Variants in PRKAA1 observed in about 807,000 individuals in gnomAD.
PRKAA1 encodes the protein protein kinase AMP-activated catalytic subunit alpha 1.
A neutral mutation model predicts 56.9 loss-of-function variants in PRKAA1; 23 were observed. The ratio of observed to expected loss-of-function variants is 0.40; its 90% CI spans 0.29 to 0.57. The LOEUF (loss-of-function observed/expected upper bound fraction) is 0.57. PRKAA1 is among the 20% of genes least tolerant of loss of function. The probability of loss-of-function intolerance (pLI) is 0.39; values close to 1 mark genes in which losing one functional copy is unlikely to be tolerated. For missense variants in PRKAA1, 413 were observed against 679.7 expected, an observed-to-expected ratio of 0.61 and a Z score of 4.36; for synonymous variants, 226 against 227.0, an observed-to-expected ratio of 1.00 and a Z score of 0.04.
intron 1 of PRKAA1, among the ~76,000 whole-genome samples, chr5:40,796,024 A>G (rs1287063381): frequency 1.3e-5 from 2 of 152,228 alleles, no homozygotes; most frequent in Non-Finnish European, 2.9e-5. Flanking sequence ...AGCAAATACG[A>G]AAACAGACCT....
chr5:40,764,748 T>C lies in PRKAA1; in HGVS notation c.1308+4A>G, dbSNP rs757514365. 6.8e-6 allele frequency: 11 copies of C among 1,606,890 alleles called. No individual in the cohort carries two copies. Among genetic ancestry groups the C allele is most frequent in the African/African-American group, 1.3e-5 (1 of 74,744 alleles). On this transcript the variant is annotated splice_donor_region_variant and intron_variant, in intron 7 of 8. Coordinates refer to ENST00000397128, the MANE Select transcript of PRKAA1 (RefSeq NM_006251.6). Reference sequence around the variant, plus strand: ...TAATAATCAAAATGTTATTTCTTTCTTACCTTCCATTCATAATCCAATTGT... The same window carrying C: ...TAATAATCAAAATGTTATTTCTTTCCTACCTTCCATTCATAATCCAATTGT...
rs958041636 is a variant in PRKAA1 at position 40,765,120 on chromosome 5, A to C, written c.940T>G (p.Ser314Ala). The C allele has an allele frequency of 6.2e-7, 1 of 1,614,062 alleles. No individual in the cohort carries two copies. Among genetic ancestry groups the C allele is most frequent in the Non-Finnish European group, 8.5e-7 (1 of 1,180,036 alleles). ...LKEVCEKFEC[S>A]EEEVLSCLYN... ...AGACAGCTGAGAACTTCCTCTTCTG[A>C]GCACTCAAACTTTTCACATACTTCT... The change falls in exon 7 of 9, where the codon TCA becomes GCA. Residue 314 changes from serine (S) to alanine (A), a missense_variant. Transcript: ENST00000397128.
Position 40,775,327 on chromosome 5 carries a change from A to G in PRKAA1, c.363+83T>C, listed in dbSNP as rs115697695. The G allele has an allele frequency of 4.3e-4, 457 of 1,060,956 alleles. 2 individuals are homozygous for G. In the African/African-American group the frequency reaches 6.5e-3, roughly 15 times the overall value. 65.7% of individuals were successfully genotyped at this position (1,060,956 alleles called of 1,614,324 possible). A position where few individuals can be genotyped will look rare whatever the true frequency, so the allele number is the denominator to read the frequency against. On this transcript the variant is annotated intron_variant, in intron 3 of 8. Transcript: ENST00000397128. ...AACTGGTTATTAAATAGACCTCTTAAAATTGGTTGCTGACATTTTGATGCT... is the reference window on the plus strand; with the variant it reads ...AACTGGTTATTAAATAGACCTCTTAGAATTGGTTGCTGACATTTTGATGCT...
intron 1 of PRKAA1, among the ~76,000 whole-genome samples, chr5:40,783,269 T>C (rs1744336104): frequency 6.6e-6 from 1 of 152,174 alleles, no homozygotes; most frequent in South Asian, 2.1e-4. Flanking sequence ...ACATTGTTAT[T>C]CCAACCTAAC....
At chr5:40,763,111 G>T in intron 8 of PRKAA1, 89 bp from the exon 9 acceptor site, 2 of 1,355,376 alleles carry the variant, frequency 1.5e-6, no homozygotes, top group Non-Finnish European at 2.1e-6. Flanking sequence ...TTTAAGTGGG[G>T]CTGCTGGCCA....
intron 4 of PRKAA1, among the ~76,000 whole-genome samples, chr5:40,771,422 G>A (rs1217020734): frequency 6.6e-6 from 1 of 152,190 alleles, no homozygotes; most frequent in African/African-American, 2.4e-5. Context: ...AGGGTCACCT[G>A]GCCCAGTAGT....
intron 6 of PRKAA1, among the ~76,000 whole-genome samples, chr5:40,766,400 GA>G (rs1406672984): frequency 5.9e-5 from 9 of 151,514 alleles, no homozygotes; most frequent in African/African-American, 1.2e-4. Flanking sequence ...CCACAGGGGG[GA>G]AAAAAAAGAA....
chr5:40,797,985 G>A, intron 1 of PRKAA1, 78 bp downstream of exon 1: 1 of 1,568,024 alleles, frequency 6.4e-7, no homozygotes, highest in Non-Finnish European at 8.7e-7. Context: ...AGCGGGCGGG[G>A]GAGGATGAAG....
intron 1 of PRKAA1, among the ~76,000 whole-genome samples, chr5:40,792,739 T>C (rs1299381747): frequency 6.6e-6 from 1 of 152,174 alleles, no homozygotes; most frequent in Non-Finnish European, 1.5e-5. Flanking sequence ...AGTACCTATG[T>C]AGCTGAAATT....
chr5:40,777,916 TACAAAA>T (rs1744091948), intron 1 of PRKAA1, among the ~76,000 whole-genome samples: 2 of 152,016 alleles, frequency 1.3e-5, no homozygotes, highest in African/African-American at 2.4e-5. Context: ...CTACTAAAAA[TACAAAA>T]AATTGGCGAG....
chr5:40,774,461 C>G (rs901134116), intron 3 of PRKAA1, among the ~76,000 whole-genome samples: 1 of 151,358 alleles, frequency 6.6e-6, no homozygotes, highest in Non-Finnish European at 1.5e-5. Context: ...AAGAAATACC[C>G]ACAAGGTAAA....
intron 4 of PRKAA1, among the ~76,000 whole-genome samples, chr5:40,771,376 G>A (rs1361815348): frequency 6.6e-6 from 1 of 152,236 alleles, no homozygotes; most frequent in East Asian, 1.9e-4. Flanking sequence ...GGTAGTGCAC[G>A]CCTGCAGTCC....
At chr5:40,790,686 CATG>C (rs1744683644) in intron 1 of PRKAA1, among the ~76,000 whole-genome samples, 1 of 152,074 alleles carries the variant, frequency 6.6e-6, no homozygotes, top group Non-Finnish European at 1.5e-5. Flanking sequence ...ACAACAGGCG[CATG>C]CCACCACACC....
intron 8 of PRKAA1, chr5:40,764,208 T>C (rs1010403187): frequency 1.1e-5 from 2 of 186,932 alleles, no homozygotes; most frequent in African/African-American, 4.7e-5. Context: ...AATAAAACAT[T>C]GTCTCTTATC....
chr5:40,786,598 G>C (rs903943525), intron 1 of PRKAA1, among the ~76,000 whole-genome samples: 2 of 151,460 alleles, frequency 1.3e-5, no homozygotes, highest in South Asian at 4.2e-4. Flanking sequence ...GTAATTAGAA[G>C]ACAGGCCACT....
rs1744006440 is a variant in PRKAA1, at chr5:40,776,384, T to A, written c.270-881A>T. Among the ~76,000 whole-genome samples the A allele has an allele frequency of 2.0e-5, 3 of 152,198 alleles. 1 individual carries two copies. The highest frequency in any genetic ancestry group is 2.0e-4 in the Admixed American group (3 of 15,284). ...AATAAAGAGTTCATTTTGGGCCGGG[T>A]TGAGTTTTAAATGTCTTGCGAACAT... is the stretch of plus-strand genomic sequence containing the variant. On this transcript the variant is annotated intron_variant, in intron 2 of 8. Transcript: ENST00000397128.
chr5:40,785,556 T>C (rs1744432846), intron 1 of PRKAA1, among the ~76,000 whole-genome samples: 1 of 151,978 alleles, frequency 6.6e-6, no homozygotes, highest in South Asian at 2.1e-4. Context: ...GACATTTTAC[T>C]AATACATTCT....
chr5:40,771,750 A>G lies in PRKAA1; in HGVS notation c.477T>C (p.Asp159=). The G allele has an allele frequency of 6.2e-7, 1 of 1,612,248 alleles. No homozygotes were observed. The highest frequency in any genetic ancestry group is 8.5e-7 in the Non-Finnish European group (1 of 1,179,622). The change falls in exon 4 of 9, where the codon GAT becomes GAC. Residue 159 remains aspartate, a synonymous_variant. Coordinates refer to ENST00000397128, the MANE Select transcript of PRKAA1 (RefSeq NM_006251.6). ...RDLKPENVLL[D]AHMNAKIADF... ...CAGCTATCTTTGCATTCATGTGTGC[A>G]TCAAGCAGGACATTTTCAGGTTTCA... is the stretch of plus-strand genomic sequence containing the variant.
At chr5:40,797,595 G>C (rs1331222861) in intron 1 of PRKAA1, among the ~76,000 whole-genome samples, 1 of 152,170 alleles carries the variant, frequency 6.6e-6, no homozygotes, top group Non-Finnish European at 1.5e-5. Flanking sequence ...CCGGTAAATC[G>C]ACAGCCTCCT....
Sources: gnomAD v4.1 joint callset for allele counts (sites outside exome capture counted in the v4.1 genomes callset) on GRCh38, gnomAD v4.1.1 for gene constraint, MANE v1.5 for transcripts, NCBI Gene and HGNC (gene_info 2026-07-23, HGNC 2026-07-21) for gene names.